Variants in IGSF11 observed in about 807,000 individuals in gnomAD.
IGSF11 encodes immunoglobulin superfamily member 11, also known as CXADR like 1.
Under a neutral mutation model 41.0 loss-of-function variants are expected in IGSF11, and 22 were observed. The observed-to-expected ratio is 0.54, with a 90% CI of 0.38 to 0.77. The LOEUF is 0.77. Among genes scored for constraint, IGSF11 ranks in the 30% least tolerant of loss-of-function variants. IGSF11 has a pLI of 0.00. For missense variants in IGSF11, 444 were observed against 530.8 expected, an observed-to-expected ratio of 0.84 and a Z score of 1.61; for synonymous variants, 219 against 201.3, an observed-to-expected ratio of 1.09 and a Z score of -0.74.
intron 1 of IGSF11, among the ~76,000 whole-genome samples, chr3:119,048,590 C>T (rs1409451825): frequency 1.3e-5 from 2 of 152,042 alleles, no homozygotes; most frequent in Admixed American, 6.6e-5. Flanking sequence ...TGGTACCATT[C>T]CTTCTGAAAC....
At chr3:118,909,155 C>T (rs988255991) in intron 4 of IGSF11, among the ~76,000 whole-genome samples, 1 of 151,914 alleles carries the variant, frequency 6.6e-6, no homozygotes. Flanking sequence ...TATTAATTCC[C>T]AATAGATATT....
chr3:118,981,806 G>A (rs1934751804), intron 1 of IGSF11: 1 of 152,324 alleles, frequency 6.6e-6, no homozygotes, highest in African/African-American at 2.4e-5. Context: ...TAACACGACG[G>A]ACCCCAGTAA....
intron 4 of IGSF11, among the ~76,000 whole-genome samples, chr3:118,906,234 T>C (rs1266652806): frequency 2.0e-5 from 3 of 151,832 alleles, no homozygotes; most frequent in African/African-American, 7.3e-5. Context: ...CCAAGACAAG[T>C]GTGAGGTTGC....
chr3:118,999,440 T>A, intron 1 of IGSF11, among the ~76,000 whole-genome samples: 1 of 152,162 alleles, frequency 6.6e-6, no homozygotes, highest in African/African-American at 2.4e-5. Flanking sequence ...CATTGAGTAA[T>A]ATGACATATA....
chr3:119,066,463 T>C (rs1397529791), intron 1 of IGSF11, among the ~76,000 whole-genome samples: 1 of 152,236 alleles, frequency 6.6e-6, no homozygotes, highest in African/African-American at 2.4e-5. Context: ...CTATCTTCTC[T>C]CTGGATCTCT....
chr3:119,116,439 A>T (rs2077257125), intron 1 of IGSF11, among the ~76,000 whole-genome samples: 1 of 152,314 alleles, frequency 6.6e-6, no homozygotes, highest in East Asian at 1.9e-4. Context: ...TCATAATCAC[A>T]TAAGCCAATT....
At chr3:119,094,117 G>C (rs557010435) in intron 1 of IGSF11, among the ~76,000 whole-genome samples, 1 of 145,316 alleles carries the variant, frequency 6.9e-6, no homozygotes, top group South Asian at 2.2e-4. Context: ...AGTTACAGTT[G>C]ATAAAAATTT....
chr3:119,064,511 CTTTT>C (rs779910295), intron 1 of IGSF11, among the ~76,000 whole-genome samples: 1 of 101,396 alleles, frequency 9.9e-6, no homozygotes, highest in Non-Finnish European at 2.0e-5. Context: ...CTTGGCTGCT[CTTTT>C]TTTTTTTTTT....
At chr3:119,134,301 T>C (rs748334597) in intron 1 of IGSF11, among the ~76,000 whole-genome samples, 1 of 152,178 alleles carries the variant, frequency 6.6e-6, no homozygotes, top group Non-Finnish European at 1.5e-5. Flanking sequence ...GACATGATTG[T>C]CTATTTAGAA....
At chr3:119,070,521 G>A (rs963822864) in intron 1 of IGSF11, among the ~76,000 whole-genome samples, 1 of 152,144 alleles carries the variant, frequency 6.6e-6, no homozygotes, top group Non-Finnish European at 1.5e-5. Flanking sequence ...TTTTAAAATC[G>A]TGTCCTATCT....
chr3:119,051,660 C>G (rs1338688735), intron 1 of IGSF11, among the ~76,000 whole-genome samples: 1 of 152,184 alleles, frequency 6.6e-6, no homozygotes, highest in African/African-American at 2.4e-5. Context: ...TTCTACCCAA[C>G]AACTGCACAA....
At chr3:119,065,075 T>G (rs1289680648) in intron 1 of IGSF11, among the ~76,000 whole-genome samples, 1 of 152,220 alleles carries the variant, frequency 6.6e-6, no homozygotes, top group Non-Finnish European at 1.5e-5. Context: ...CCTCTTTGAC[T>G]CATACCCAAT....
At chr3:119,022,243 T>G (rs1576667016) in intron 1 of IGSF11, among the ~76,000 whole-genome samples, 2 of 152,144 alleles carry the variant, frequency 1.3e-5, no homozygotes, top group East Asian at 3.9e-4. Context: ...TTTATAGAGA[T>G]AAGAAGTAGA....
At chr3:119,097,447 G>A (rs1441693975) in intron 1 of IGSF11, among the ~76,000 whole-genome samples, 3 of 146,932 alleles carry the variant, frequency 2.0e-5, no homozygotes, top group East Asian at 1.9e-4. Flanking sequence ...ACTGCTTATG[G>A]AGAGCACACA....
intron 1 of IGSF11, among the ~76,000 whole-genome samples, chr3:119,001,708 G>A (rs1936890576): frequency 6.7e-6 from 1 of 148,734 alleles, no homozygotes. Context: ...ATCTATGAGT[G>A]AGAATATGCA....
upstream of IGSF11, among the ~76,000 whole-genome samples, chr3:119,108,578 A>C (rs2077079998): frequency 7.2e-6 from 1 of 138,548 alleles, no homozygotes; most frequent in South Asian, 2.6e-4. Context: ...AATACCCTTT[A>C]TTTCCTTCTC....
intron 1 of IGSF11, among the ~76,000 whole-genome samples, chr3:119,099,102 A>G (rs538489158): frequency 1.2e-4 from 19 of 152,388 alleles, no homozygotes; most frequent in Admixed American, 5.2e-4. Flanking sequence ...TCACAGGTGC[A>G]GAATGACATT....
chr3:118,938,124 C>T (rs1391357837), intron 1 of IGSF11, among the ~76,000 whole-genome samples: 1 of 151,916 alleles, frequency 6.6e-6, no homozygotes, highest in Non-Finnish European at 1.5e-5. Flanking sequence ...TCCTACATGT[C>T]ATGGCATATA....
chr3:119,144,245 A>C lies in IGSF11; in HGVS notation c.-14+1568T>G, dbSNP rs1039921345. Among the ~76,000 whole-genome samples the C allele has an allele frequency of 3.3e-5, 5 of 152,282 alleles. 1 individual carries two copies. The highest frequency in any genetic ancestry group is 3.9e-4 in the East Asian group (2 of 5,188). Reference sequence around the variant, plus strand: ...TTTGTGTTTCTCACTTTGAATAATGAGTAGAACCCTAGACAGAAGGCCAGT... The same window carrying C: ...TTTGTGTTTCTCACTTTGAATAATGCGTAGAACCCTAGACAGAAGGCCAGT... On this transcript the variant is annotated intron_variant, in intron 1 of 7. Transcript: ENST00000425327.
Sources: gnomAD v4.1 joint callset for allele counts (sites outside exome capture counted in the v4.1 genomes callset) on GRCh38, gnomAD v4.1.1 for gene constraint, MANE v1.5 for transcripts, NCBI Gene and HGNC (gene_info 2026-07-23, HGNC 2026-07-21) for gene names.